PRKAR1B: variants seen among roughly 807,000 people sequenced by gnomAD.
PRKAR1B encodes cAMP-dependent protein kinase type I-beta regulatory subunit.
PRKAR1B carries 22 observed loss-of-function variants against 46.5 expected under a neutral mutation model. That is an observed-to-expected ratio of 0.47 (90% CI 0.34 to 0.68). The LOEUF (loss-of-function observed/expected upper bound fraction) is 0.68. Ranked by LOEUF, PRKAR1B falls within the 30% of genes least tolerant of loss-of-function variation. The pLI is 0.01. For missense variants in PRKAR1B, 445 were observed against 535.6 expected (o/e 0.83, Z 1.67); for synonymous variants, 259 against 217.7 (o/e 1.19, Z -1.67).
chr7:609,747 TTTTTC>T (rs925345511), intron 4 of PRKAR1B, among the ~76,000 whole-genome samples: 12 of 152,186 alleles, frequency 7.9e-5, no homozygotes, highest in African/African-American at 2.2e-4. Flanking sequence ...AGTATTCTTT[TTTTTC>T]TTTTAAGAGA....
chr7:647,536 G>A (rs1354964837), intron 4 of PRKAR1B, among the ~76,000 whole-genome samples: 3 of 152,194 alleles, frequency 2.0e-5, no homozygotes, highest in East Asian at 3.9e-4. Flanking sequence ...GCCAGGCGCG[G>A]TGGCTCATGC....
intron 6 of PRKAR1B, among the ~76,000 whole-genome samples, chr7:599,123 C>T (rs1459259375): frequency 1.3e-5 from 2 of 152,196 alleles, no homozygotes; most frequent in Non-Finnish European, 2.9e-5. Flanking sequence ...TCAGAGGAAG[C>T]CATTGTGCGG....
Position 667,453 on chromosome 7 carries a change from T to C in PRKAR1B, c.440+9776A>G, listed in dbSNP as rs746929933. Among the ~76,000 whole-genome samples the C allele has an allele frequency of 3.8e-4, 58 of 152,192 alleles. No homozygotes were observed. The highest frequency in any genetic ancestry group is 6.5e-4 in the Admixed American group (10 of 15,272). On this transcript the variant is annotated intron_variant, in intron 4 of 10. Transcript: ENST00000537384. This position sits in a 1 kb window ranked among gnomAD's most constrained non-coding sequence, Gnocchi z 4.3. ...GTATCTGAGTGAGATTGTGTGTGCATGACTGTGTGCATAGGCGTGCCTGGG... is the reference window on the plus strand; with the variant it reads ...GTATCTGAGTGAGATTGTGTGTGCACGACTGTGTGCATAGGCGTGCCTGGG...
At chr7:704,505 G>A (rs904155045) in intron 2 of PRKAR1B, among the ~76,000 whole-genome samples, 2 of 152,244 alleles carry the variant, frequency 1.3e-5, no homozygotes, top group Admixed American at 6.5e-5. Flanking sequence ...GCCGGGTGCG[G>A]TGGCTCACGC....
chr7:723,579 C>T (rs574799211), intron 1 of PRKAR1B, among the ~76,000 whole-genome samples: 30 of 152,334 alleles, frequency 2.0e-4, no homozygotes, highest in African/African-American at 5.3e-4. Context: ...GTCCCACCAC[C>T]GTAATTCAAG....
intron 5 of PRKAR1B, among the ~76,000 whole-genome samples, chr7:606,959 G>A (rs1019512474): frequency 2.0e-5 from 3 of 151,968 alleles, no homozygotes; most frequent in Non-Finnish European, 4.4e-5. Context: ...TATATATGTA[G>A]ACATATATGC....
chr7:562,960 T>C (rs1562520795), intron 9 of PRKAR1B, among the ~76,000 whole-genome samples: 1 of 152,184 alleles, frequency 6.6e-6, no homozygotes, highest in East Asian at 1.9e-4. Context: ...TGAACAGACA[T>C]TGAGTCCTTC....
At chr7:624,789 G>C (rs931687950) in intron 4 of PRKAR1B, among the ~76,000 whole-genome samples, 1 of 152,178 alleles carries the variant, frequency 6.6e-6, no homozygotes, top group Non-Finnish European at 1.5e-5. Flanking sequence ...ACGCCCCTCA[G>C]CTAGTTATTG....
At position 560,409 on chromosome 7, in the gene PRKAR1B, C is replaced by T. The variant is rs1338125228; in HGVS notation, c.892-8939G>A. 6.6e-6 allele frequency among the ~76,000 whole-genome samples: 1 copy of T among 150,536 alleles called. No individual in the cohort carries two copies. On this transcript the variant is annotated intron_variant, in intron 9 of 10. Coordinates refer to ENST00000537384, the MANE Select transcript of PRKAR1B (RefSeq NM_001164760.2). The surrounding 1 kb of genome is among the most constrained non-coding windows in gnomAD (Gnocchi z 4.2). ...AATAATAAATATATTTTAAAAGAAACTTTGTATCACGACCATAAATGGAAA... is the reference window on the plus strand; with the variant it reads ...AATAATAAATATATTTTAAAAGAAATTTTGTATCACGACCATAAATGGAAA...
chr7:599,366 C>T (rs1389381087), intron 6 of PRKAR1B, among the ~76,000 whole-genome samples: 5 of 151,696 alleles, frequency 3.3e-5, no homozygotes, highest in African/African-American at 9.7e-5. Flanking sequence ...GGTGCGATCT[C>T]GGCTCACCGC....
intron 2 of PRKAR1B, chr7:697,088 A>ATC (rs1779781172): frequency 6.6e-6 from 1 of 152,252 alleles, no homozygotes; most frequent in Admixed American, 6.5e-5. Context: ...GGCCAAAGCC[A>ATC]TCTTCGTAAC....
At chr7:563,699 GGT>G (rs1778953295) in intron 9 of PRKAR1B, among the ~76,000 whole-genome samples, 2 of 152,100 alleles carry the variant, frequency 1.3e-5, no homozygotes, top group East Asian at 3.9e-4. Flanking sequence ...ATGTCTGTGC[GGT>G]GTGTGCATGT....
In PRKAR1B at chr7:628,343, C is replaced by T. The variant is rs567128982; in HGVS notation, c.441-20891G>A. ...CGTGGAGCCAAGGCGAAGGCGGGCA[C>T]GAGGCGGGAGCCGCCAACAGCCAAG... On this transcript the variant is annotated intron_variant, in intron 4 of 10. Coordinates refer to ENST00000537384, the MANE Select transcript of PRKAR1B (RefSeq NM_001164760.2). Among the ~76,000 whole-genome samples, 7 of 152,340 alleles carry T rather than the reference C, an allele frequency of 4.6e-5. No homozygotes were observed. In the East Asian group the frequency reaches 7.7e-4, roughly 17 times the overall value.
intron 7 of PRKAR1B, among the ~76,000 whole-genome samples, chr7:592,790 T>A (rs1486901372): frequency 6.6e-6 from 1 of 152,096 alleles, no homozygotes; most frequent in African/African-American, 2.4e-5. Flanking sequence ...CCCAGCACTG[T>A]GGGAGGCTGA....
At chr7:583,406 G>GCAC (rs879312240) in intron 8 of PRKAR1B, among the ~76,000 whole-genome samples, 2,280 of 56,012 alleles carry the variant, frequency 0.041, 49 homozygotes, top group East Asian at 0.1. Context: ...CCCCACACGT[G>GCAC]TGCACACCCA....
At chr7:630,935 T>C (rs551253560) in intron 4 of PRKAR1B, among the ~76,000 whole-genome samples, 1 of 151,288 alleles carries the variant, frequency 6.6e-6, no homozygotes. Context: ...AACAGAGGGC[T>C]TGCAGCTGAT....
At chr7:612,430 G>A (rs150210095) in intron 4 of PRKAR1B, among the ~76,000 whole-genome samples, 1,530 of 150,626 alleles carry the variant, frequency 0.01, 16 homozygotes, top group Non-Finnish European at 0.015. Flanking sequence ...GGATGAACAG[G>A]TGTGTGAGTA....
chr7:631,827 T>TG (rs1268468110), intron 4 of PRKAR1B, among the ~76,000 whole-genome samples: 2 of 151,542 alleles, frequency 1.3e-5, no homozygotes, highest in East Asian at 3.9e-4. Context: ...CATGATGCCA[T>TG]GCACCTGTAG....
chr7:609,329 A>G (rs1168239906), intron 4 of PRKAR1B, among the ~76,000 whole-genome samples: 6 of 152,178 alleles, frequency 3.9e-5, no homozygotes, highest in Admixed American at 3.9e-4. Context: ...TTAAAAAAAT[A>G]TTTCAACTTA....
Sources: allele counts gnomAD v4.1 joint callset (sites outside exome capture counted in the v4.1 genomes callset), GRCh38; gene constraint gnomAD v4.1.1; non-coding constraint Gnocchi (gnomAD v3.1); transcripts MANE v1.5; gene names NCBI Gene and HGNC (gene_info 2026-07-23, HGNC 2026-07-21).